The following BAAT variants were observed in gnomAD, a reference collection of about 807,000 sequenced individuals.
The protein encoded by BAAT is bile acid-CoA:amino acid N-acyltransferase, also known as bile acid CoA: amino acid N-acyltransferase (glycine N-choloyltransferase).
In BAAT, 13 loss-of-function variants were observed where a neutral mutation model predicts 18.9. That is an observed-to-expected ratio of 0.69 (90% CI 0.45 to 1.10). The LOEUF (loss-of-function observed/expected upper bound fraction) is 1.10, where lower values mean the gene tolerates loss of function less well. Ranked by LOEUF, BAAT falls within the 50% of genes least tolerant of loss-of-function variation. The probability of loss-of-function intolerance (pLI) is 0.00; values close to 1 mark genes in which losing one functional copy is unlikely to be tolerated. For missense variants in BAAT, 489 were observed against 504.0 expected (o/e 0.97, Z 0.28); for synonymous variants, 170 against 190.7 (o/e 0.89, Z 0.89).
Position 101,361,902 on chromosome 9 carries a change from A to T in BAAT, c.*526T>A, listed in dbSNP as rs1472873126. ...GTAATTTATTGCAATGAACTAACTG[A>T]CCTCCTCCATTCCTTCTTTCCTTTT... On this transcript the variant is annotated 3_prime_UTR_variant, in exon 4 of 4. Coordinates refer to ENST00000259407, the MANE Select transcript of BAAT (RefSeq NM_001701.4). 6.0e-6 allele frequency: 1 copy of T among 166,266 alleles called. No individual in the cohort carries two copies. Among genetic ancestry groups the T allele is most frequent in the Non-Finnish European group, 1.3e-5 (1 of 76,280 alleles). 10.3% of individuals were successfully genotyped at this position (166,266 alleles called of 1,614,324 possible).
At chr9:101,381,019 A>C (rs925361595) in intron 1 of BAAT, among the ~76,000 whole-genome samples, 2 of 151,758 alleles carry the variant, frequency 1.3e-5, no homozygotes, top group Non-Finnish European at 2.9e-5. Context: ...AGCCTCCCAA[A>C]GTGCTGGGAT....
intron 3 of BAAT, among the ~76,000 whole-genome samples, chr9:101,367,502 CT>C (rs34003904): frequency 0.091 from 13,206 of 144,340 alleles, 821 homozygotes; most frequent in African/African-American, 0.19. Context: ...ATGCATTATC[CT>C]TTTTTTTTTT....
At chr9:101,376,086 G>C (rs1830039412) in intron 1 of BAAT, 1 of 156,384 alleles carries the variant, frequency 6.4e-6, no homozygotes. Context: ...GTTTCTGATG[G>C]CTTAATTTAT....
intron 1 of BAAT, chr9:101,383,372 A>C (rs1414798838): frequency 1.3e-5 from 2 of 152,228 alleles, no homozygotes; most frequent in Admixed American, 6.5e-5. Context: ...AAAATTCCAA[A>C]CACTGAGGTA....
rs1251543813 is a variant in BAAT at position 101,362,319 on chromosome 9, A to C, written c.*109T>G. The C allele has an allele frequency of 3.4e-6, 4 of 1,168,742 alleles. No individual in the cohort carries two copies. Among genetic ancestry groups the C allele is most frequent in the Non-Finnish European group, 4.9e-6 (4 of 813,404 alleles). The allele number at this position is 1,168,742 out of a possible 1,614,324, so 72.4% of individuals were successfully genotyped here. On this transcript the variant is annotated 3_prime_UTR_variant, in exon 4 of 4. Coordinates refer to ENST00000259407, the MANE Select transcript of BAAT (RefSeq NM_001701.4). The stretch of plus-strand genomic sequence containing the variant: ...TATGCTCTTTTTAATCATTAAAATT[A>C]ATACAAAATGTGTGTGTGGCAGCTG...
Position 101,362,742 on chromosome 9 carries a change from C to T in BAAT, c.943G>A (p.Glu315Lys). 2 of 1,614,134 alleles carry T rather than the reference C, an allele frequency of 1.2e-6. No individual in the cohort carries two copies. The highest frequency in any genetic ancestry group is 1.7e-6 in the Non-Finnish European group (2 of 1,180,032). Residue 315 changes from glutamate to lysine, a missense_variant, in exon 4 of 4, where the codon GAG (glutamate) becomes AAG (lysine). Glu to Lys is a moderately conservative substitution (Grantham distance 56). Coordinates refer to ENST00000259407, the MANE Select transcript of BAAT (RefSeq NM_001701.4). ...ATGAAGAGGAATTGCCCCTGGGCCT[C>T]TTCAATAGGAAACAAATATTGACTG... ...GASQYLFPIE[E>K]AQGQFLFIVG...
At chr9:101,384,718 T>G (rs1351705537) in intron 1 of BAAT, among the ~76,000 whole-genome samples, 137 bp downstream of exon 1, 4 of 152,210 alleles carry the variant, frequency 2.6e-5, no homozygotes, top group African/African-American at 9.7e-5. Context: ...AAATTTGTAT[T>G]TGCTGAACTA....
At chr9:101,375,101 T>TC (rs1310085853) in intron 1 of BAAT, among the ~76,000 whole-genome samples, 14 of 152,084 alleles carry the variant, frequency 9.2e-5, no homozygotes, top group East Asian at 3.9e-4. Flanking sequence ...CGGGAGTTGT[T>TC]CCCCCCCATA....
At chr9:101,376,971 G>C (rs541122728) in intron 1 of BAAT, among the ~76,000 whole-genome samples, 2 of 152,274 alleles carry the variant, frequency 1.3e-5, no homozygotes, top group South Asian at 4.1e-4. Context: ...CTTTATGGTA[G>C]AGTGATTTAT....
In BAAT at chr9:101,371,118, A is replaced by G; in HGVS notation, c.287T>C (p.Val96Ala). 1 of 1,614,086 alleles carries G rather than the reference A, an allele frequency of 6.2e-7. No homozygotes were observed. Among genetic ancestry groups the G allele is most frequent in the Non-Finnish European group, 8.5e-7 (1 of 1,180,006 alleles). Residue 96 changes from valine (V) to alanine (A), a missense_variant, in exon 2 of 4, where the codon GTG (valine) becomes GCG (alanine). Physicochemically the swap from Val to Ala is moderately conservative, Grantham distance 64. Coordinates refer to ENST00000259407, the MANE Select transcript of BAAT (RefSeq NM_001701.4). ...KLLTRLLKRDVMNRPFQVQVK... is the reference protein window; with the variant it reads ...KLLTRLLKRDAMNRPFQVQVK... The stretch of plus-strand genomic sequence containing the variant: ...TTGGACCTGGAAAGGCCTATTCATC[A>G]CATCTCTTTTCAACAGTCTTGTTAA...
intron 1 of BAAT, among the ~76,000 whole-genome samples, chr9:101,372,589 T>C (rs1829971602): frequency 4.0e-5 from 6 of 150,850 alleles, no homozygotes; most frequent in Admixed American, 4.0e-4. Context: ...CACAACTATC[T>C]GCATAAACTA....
intron 3 of BAAT, among the ~76,000 whole-genome samples, chr9:101,363,225 G>A (rs1411443910): frequency 4.6e-5 from 7 of 152,092 alleles, no homozygotes; most frequent in Non-Finnish European, 7.4e-5. Context: ...TATATATTAC[G>A]GATTCAGTAT....
Position 101,361,641 on chromosome 9 carries a change from A to G in BAAT, c.*787T>C, listed in dbSNP as rs181417867. On this transcript the variant is annotated 3_prime_UTR_variant, in exon 4 of 4. Coordinates refer to ENST00000259407, the MANE Select transcript of BAAT (RefSeq NM_001701.4). Reference sequence around the variant, plus strand: ...GATAGTTGACCCAATCACTCAGTTTATCAAACTCCCCAGGCTAGCCTGTAC... The same window carrying G: ...GATAGTTGACCCAATCACTCAGTTTGTCAAACTCCCCAGGCTAGCCTGTAC... The G allele has an allele frequency of 1.2e-4, 19 of 152,830 alleles. No individual in the cohort carries two copies. The East Asian group carries it at 3.3e-3, about 26-fold the overall frequency. The allele number at this position is 152,830 out of a possible 1,614,324, so 9.5% of individuals were successfully genotyped here.
At chr9:101,382,073 A>G (rs902465111) in intron 1 of BAAT, among the ~76,000 whole-genome samples, 9 of 152,304 alleles carry the variant, frequency 5.9e-5, no homozygotes, top group African/African-American at 2.2e-4. Flanking sequence ...ACATATTGTT[A>G]CAGTAGGTAG....
At chr9:101,368,049 C>G in intron 3 of BAAT, 71 bp downstream of exon 3, 1 of 1,507,698 alleles carries the variant, frequency 6.6e-7, no homozygotes, top group South Asian at 1.1e-5. Context: ...AAGACCCTGT[C>G]TTTTAACAAA....
intron 2 of BAAT, among the ~76,000 whole-genome samples, chr9:101,368,650 G>A (rs1423481406): frequency 6.6e-6 from 1 of 152,122 alleles, no homozygotes; most frequent in Non-Finnish European, 1.5e-5. Context: ...ACTCTCTGCA[G>A]CTGAGGAAAT....
chr9:101,367,274 G>C (rs1431454477), intron 3 of BAAT, among the ~76,000 whole-genome samples: 1 of 151,904 alleles, frequency 6.6e-6, no homozygotes. Context: ...TATGTTTAAG[G>C]GCTCATGAGT....
intron 1 of BAAT, among the ~76,000 whole-genome samples, chr9:101,381,491 G>T (rs1468091211): frequency 6.6e-6 from 1 of 152,088 alleles, no homozygotes; most frequent in Non-Finnish European, 1.5e-5. Flanking sequence ...GCCACTGGGT[G>T]AAAGAGCTGA....
intron 3 of BAAT, among the ~76,000 whole-genome samples, chr9:101,364,419 G>T (rs766902622): frequency 5.3e-5 from 8 of 152,154 alleles, no homozygotes; most frequent in Non-Finnish European, 5.9e-5. Flanking sequence ...TAATCTCCTT[G>T]ATTGAAAACT....
Sources: allele counts gnomAD v4.1 joint callset (sites outside exome capture counted in the v4.1 genomes callset), GRCh38; gene constraint gnomAD v4.1.1; transcripts MANE v1.5; gene names NCBI Gene and HGNC (gene_info 2026-07-23, HGNC 2026-07-21).